CACNA2D4: variants seen among roughly 807,000 people sequenced by gnomAD.
CACNA2D4 encodes voltage-dependent calcium channel subunit alpha-2/delta-4.
In CACNA2D4, 157 loss-of-function variants were observed where a neutral mutation model predicts 163.8. The ratio of observed to expected loss-of-function variants is 0.96; its 90% CI spans 0.84 to 1.09. CACNA2D4 has a LOEUF of 1.09. CACNA2D4 is among the 50% of genes least tolerant of loss of function. The pLI is 0.00. For synonymous variants in CACNA2D4, 598 were observed against 586.9 expected (o/e 1.02, Z -0.27); for missense variants, 1,410 against 1,479.9 (o/e 0.95, Z 0.78).
chr12:1,884,656 T>C (rs1866089726), intron 11 of CACNA2D4, 112 bp downstream of exon 11: 2 of 720,002 alleles, frequency 2.8e-6, no homozygotes, highest in Non-Finnish European at 4.8e-6. Context: ...AGAATGGCTC[T>C]AATAGGAAAG....
chr12:1,840,374 T>C (rs1389057410), intron 26 of CACNA2D4, among the ~76,000 whole-genome samples: 1 of 147,060 alleles, frequency 6.8e-6, no homozygotes, highest in Non-Finnish European at 1.5e-5. Context: ...GCCTCAGTAA[T>C]GCTCTATTAA....
chr12:1,799,199 C>T lies in CACNA2D4; in HGVS notation c.2995+476G>A, dbSNP rs550040420. Among the ~76,000 whole-genome samples, 22 of 152,314 alleles carry T rather than the reference C, an allele frequency of 1.4e-4. No individual in the cohort carries two copies. The highest frequency in any genetic ancestry group is 3.9e-4 in the Admixed American group (6 of 15,306). On this transcript the variant is annotated intron_variant, in intron 34 of 37. Coordinates refer to ENST00000382722, the MANE Select transcript of CACNA2D4 (RefSeq NM_172364.5). The surrounding 1 kb of genome is among the most constrained non-coding windows in gnomAD (Gnocchi z 4.7). Reference sequence around the variant, plus strand: ...GCCCTGCACGTGTGGCCACAGCCACCGGGCTTTGTGTTGGGGCCTCTCATG... The same window carrying T: ...GCCCTGCACGTGTGGCCACAGCCACTGGGCTTTGTGTTGGGGCCTCTCATG...
At chr12:1,873,059 C>A (rs1445719241) in intron 18 of CACNA2D4, among the ~76,000 whole-genome samples, 1 of 152,082 alleles carries the variant, frequency 6.6e-6, no homozygotes, top group Non-Finnish European at 1.5e-5. Flanking sequence ...CTCTGAATAT[C>A]CTCATCTGTC....
intron 25 of CACNA2D4, 126 bp from the exon 26 acceptor site, chr12:1,840,945 C>A (rs557143147): frequency 2.5e-6 from 2 of 810,556 alleles, no homozygotes; most frequent in Admixed American, 1.9e-5. Context: ...AGAATTGAGG[C>A]GAGGGTGGGG....
chr12:1,823,036 T>G (rs1354122919), intron 26 of CACNA2D4, among the ~76,000 whole-genome samples: 1 of 152,192 alleles, frequency 6.6e-6, no homozygotes, highest in Non-Finnish European at 1.5e-5. Context: ...CAGAGTAGGC[T>G]GCAAATGCCC....
chr12:1,847,527 C>A (rs1215352238), intron 23 of CACNA2D4, among the ~76,000 whole-genome samples: 1 of 152,176 alleles, frequency 6.6e-6, no homozygotes. Context: ...GGGTCTCCCC[C>A]ACCTACTCCA....
chr12:1,850,553 T>C (rs536627703), intron 23 of CACNA2D4, among the ~76,000 whole-genome samples: 2 of 152,220 alleles, frequency 1.3e-5, no homozygotes, highest in Non-Finnish European at 2.9e-5. Flanking sequence ...TTTCTCTTTT[T>C]ACCTTGCTCA....
Position 1,828,161 on chromosome 12 carries a change from G to A in CACNA2D4, c.2551+12578C>T, listed in dbSNP as rs752381627. On this transcript the variant is annotated intron_variant, in intron 26 of 37. Coordinates refer to ENST00000382722, the MANE Select transcript of CACNA2D4 (RefSeq NM_172364.5). This position sits in a 1 kb window ranked among gnomAD's most constrained non-coding sequence, Gnocchi z 4.2. ...CGTGGGCCTCACCATGCTGGCGCCG[G>A]GCAGCAGCCCTGGGCAGAGGGGCAG... is the stretch of plus-strand genomic sequence containing the variant. The A allele has an allele frequency of 7.1e-6, 11 of 1,543,834 alleles. No homozygotes were observed. Among genetic ancestry groups the A allele is most frequent in the Non-Finnish European group, 9.6e-6 (11 of 1,143,662 alleles).
Position 1,829,062 on chromosome 12 carries a change from T to C in CACNA2D4, c.2551+11677A>G, listed in dbSNP as rs1427746093. Among the ~76,000 whole-genome samples, 1 of 152,218 alleles carries C rather than the reference T, an allele frequency of 6.6e-6. No homozygotes were observed. The highest frequency in any genetic ancestry group is 1.5e-5 in the Non-Finnish European group (1 of 68,038). ...TGAGAGAGGCTGGCCCCTGAGTGAC[T>C]CAGATCTCCTTTCAGCCTCATTCTA... On this transcript the variant is annotated intron_variant, in intron 26 of 37. Transcript: ENST00000382722. The surrounding 1 kb of genome is among the most constrained non-coding windows in gnomAD (Gnocchi z 4.2).
chr12:1,848,125 T>A (rs1273066227), intron 23 of CACNA2D4, among the ~76,000 whole-genome samples: 2 of 152,240 alleles, frequency 1.3e-5, no homozygotes, highest in Non-Finnish European at 2.9e-5. Flanking sequence ...CACAGAGTTG[T>A]GCCACCGTCA....
At chr12:1,865,308 C>G (rs1865624281) in intron 18 of CACNA2D4, among the ~76,000 whole-genome samples, 1 of 152,242 alleles carries the variant, frequency 6.6e-6, no homozygotes. Flanking sequence ...AGAGATTCCA[C>G]AGTCCTGATT....
chr12:1,842,001 C>T (rs1401139017), intron 25 of CACNA2D4, among the ~76,000 whole-genome samples: 3 of 152,188 alleles, frequency 2.0e-5, no homozygotes, highest in Non-Finnish European at 4.4e-5. Flanking sequence ...GTGGCAGCCC[C>T]GACAATATTC....
At chr12:1,831,030 A>G in intron 26 of CACNA2D4, 1 of 1,614,102 alleles carries the variant, frequency 6.2e-7, no homozygotes, top group African/African-American at 1.3e-5. Flanking sequence ...GGTGGACTGC[A>G]GTGGCCTTGG....
At chr12:1,896,357 ACTAT>A (rs974045862) in intron 6 of CACNA2D4, among the ~76,000 whole-genome samples, 2 of 152,196 alleles carry the variant, frequency 1.3e-5, no homozygotes, top group African/African-American at 4.8e-5. Flanking sequence ...TAATATCCAG[ACTAT>A]CTAAGAAACT....
At chr12:1,879,928 A>T in intron 13 of CACNA2D4, 47 bp from the exon 14 acceptor site, 1 of 1,413,252 alleles carries the variant, frequency 7.1e-7, no homozygotes, top group Non-Finnish European at 9.8e-7. Flanking sequence ...GCCTAGGGCC[A>T]CTGGTTTGCC....
intron 26 of CACNA2D4, among the ~76,000 whole-genome samples, chr12:1,816,207 A>G (rs895224688): frequency 6.6e-6 from 1 of 152,130 alleles, no homozygotes. Flanking sequence ...GCAGGAGACA[A>G]CACCTTATGA....
chr12:1,797,369 AGGGCGGGAGGAGTGTGGCGGGACG>A, intron 35 of CACNA2D4, 25 bp downstream of exon 35: 1 of 1,354,606 alleles, frequency 7.4e-7, no homozygotes, highest in Non-Finnish European at 1.0e-6. Flanking sequence ...CGCCTTGCCG[AGGGCGGGAGGAGTGTGGCGGGACG>A]GGCGGCGCCG....
intron 13 of CACNA2D4, 109 bp downstream of exon 13, chr12:1,882,758 A>C (rs958703491): frequency 1.6e-5 from 18 of 1,131,040 alleles, no homozygotes; most frequent in Non-Finnish European, 2.3e-5. Flanking sequence ...ATGTTCCCTA[A>C]GGAGGTGCTA....
intron 12 of CACNA2D4, 98 bp downstream of exon 12, chr12:1,884,145 C>T (rs1444754869): frequency 6.0e-6 from 6 of 997,542 alleles, no homozygotes; most frequent in African/African-American, 3.2e-5. Flanking sequence ...CTCTTAGGGG[C>T]CCATGGGGAA....
Sources: gnomAD v4.1 joint callset for allele counts (sites outside exome capture counted in the v4.1 genomes callset) on GRCh38, gnomAD v4.1.1 for gene constraint, Gnocchi (gnomAD v3.1) non-coding constraint, MANE v1.5 for transcripts, NCBI Gene and HGNC (gene_info 2026-07-23, HGNC 2026-07-21) for gene names.